The following SZT2 variants were observed in gnomAD, a reference collection of about 807,000 sequenced individuals.
The protein encoded by SZT2 is KICSTOR complex protein SZT2.
SZT2 carries 216 observed loss-of-function variants against 404.2 expected under a neutral mutation model. The observed-to-expected ratio is 0.53, with a 90% CI of 0.48 to 0.60. SZT2 has a LOEUF of 0.60. Ranked by LOEUF, SZT2 falls within the 20% of genes least tolerant of loss-of-function variation. The pLI, the probability that SZT2 is intolerant of heterozygous loss-of-function variation, is 0.00. For missense variants in SZT2, 3,857 were observed against 4,459.2 expected, an observed-to-expected ratio of 0.86 and a Z score of 3.85; for synonymous variants, 1,693 against 1,749.9, an observed-to-expected ratio of 0.97 and a Z score of 0.81.
Position 43,416,587 on chromosome 1 carries a change from T to A in SZT2, c.825T>A (p.Cys275Ter). ...CCAGTGTACCTGATGTTGCTGTCTG[T>A]GAGACACTGCTGAACCAGCTTCGCA... ...GVTSVPDVAV[C>*]ETLLNQLRSG... The change falls in exon 7 of 72, where the codon TGT (cysteine) becomes TGA (stop). Residue 275 changes from cysteine to a stop codon, truncating the protein, a stop_gained. Coordinates refer to ENST00000634258, the MANE Select transcript of SZT2 (RefSeq NM_001365999.1). LOFTEE classifies it high-confidence loss of function. 2 of 1,598,400 alleles carry A rather than the reference T, an allele frequency of 1.3e-6. No individual in the cohort carries two copies. Among genetic ancestry groups the A allele is most frequent in the Non-Finnish European group, 1.7e-6 (2 of 1,179,786 alleles).
chr1:43,429,939 G>A, intron 29 of SZT2, 72 bp from the exon 30 acceptor site: 1 of 1,612,300 alleles, frequency 6.2e-7, no homozygotes, highest in South Asian at 1.1e-5. Flanking sequence ...CATGTGTCCT[G>A]CTCTAGGGTA....
chr1:43,434,592 T>G, intron 41 of SZT2, 107 bp downstream of exon 41: 1 of 1,062,110 alleles, frequency 9.4e-7, no homozygotes, highest in Non-Finnish European at 1.4e-6. Flanking sequence ...TCAATAATTA[T>G]GGAAAGTTTT....
In SZT2 at chr1:43,422,497, T is replaced by C; in HGVS notation, c.1787T>C (p.Leu596Ser). Reference sequence around the variant, plus strand: ...CTTCCTAGACCAATCCCCAAGCACTTGCACACCCCGGGCAGCAATGGGCGC... The same window carrying C: ...CTTCCTAGACCAATCCCCAAGCACTCGCACACCCCGGGCAGCAATGGGCGC... ...LEHDTPIPKH[L>S]HTPGSNGRYS... The change falls in exon 13 of 72, where the codon TTG (leucine) becomes TCG (serine). Residue 596 changes from leucine to serine, a missense_variant. By Grantham distance (145) the Leu-to-Ser change is moderately radical. Transcript: ENST00000634258. 1 of 1,592,000 alleles carries C rather than the reference T, an allele frequency of 6.3e-7. No individual in the cohort carries two copies. Among genetic ancestry groups the C allele is most frequent in the Non-Finnish European group, 8.5e-7 (1 of 1,176,464 alleles).
Position 43,423,135 on chromosome 1 carries a change from C to T in SZT2, c.2074C>T (p.Arg692Cys), listed in dbSNP as rs1249245614. The T allele has an allele frequency of 8.8e-6, 14 of 1,595,986 alleles. No individual in the cohort carries two copies. Among genetic ancestry groups the T allele is most frequent in the Middle Eastern group, 1.6e-4 (1 of 6,072 alleles). The stretch of plus-strand genomic sequence containing the variant: ...CTTGAGGGAAGAGATCCTGCGGCTG[C>T]GTTTCCCCCACCGGGTACAAAGCAA... ...SGLREEILRL[R>C]FPHRVQSKEP... The change falls in exon 15 of 72, where the codon CGT becomes TGT. Residue 692 changes from arginine (R) to cysteine (C), a missense_variant. By Grantham distance (180) the Arg-to-Cys change is radical. This residue lies in a region of SZT2 where 1,725 missense variants were observed against 1,881.0 expected (regional missense o/e 0.92). Coordinates refer to ENST00000634258, the MANE Select transcript of SZT2 (RefSeq NM_001365999.1).
intron 1 of SZT2, among the ~76,000 whole-genome samples, chr1:43,399,233 A>T (rs1384625263): frequency 6.6e-6 from 1 of 152,208 alleles, no homozygotes; most frequent in African/African-American, 2.4e-5. Context: ...GATCCCTTGA[A>T]ATACAACTAA....
chr1:43,391,699 T>A (rs1331000964), intron 1 of SZT2, among the ~76,000 whole-genome samples: 2 of 152,122 alleles, frequency 1.3e-5, no homozygotes, highest in Non-Finnish European at 2.9e-5. Flanking sequence ...CAACATACCT[T>A]TTAGGCAGAT....
intron 4 of SZT2, among the ~76,000 whole-genome samples, chr1:43,413,244 G>T (rs942507576): frequency 6.6e-6 from 1 of 152,162 alleles, no homozygotes; most frequent in East Asian, 1.9e-4. Context: ...TTAGCTGAGC[G>T]TGATGGCAGA....
At chr1:43,438,645 A>C (rs2842184) in intron 46 of SZT2, 54 bp from the exon 47 acceptor site, 10 of 1,524,578 alleles carry the variant, frequency 6.6e-6, no homozygotes, top group Non-Finnish European at 9.1e-6. Flanking sequence ...GCTGCTATGG[A>C]GGTAGCTGGA....
rs78703292 is a variant in SZT2 at position 43,439,920 on chromosome 1, A to T, written c.7082A>T (p.Glu2361Val). The change falls in exon 51 of 72, where the codon GAA (glutamate) becomes GTA (valine). Residue 2361 changes from glutamate (E) to valine (V), a missense_variant. Glu to Val is a moderately radical substitution (Grantham distance 121). Coordinates refer to ENST00000634258, the MANE Select transcript of SZT2 (RefSeq NM_001365999.1). The surrounding 1 kb of genome is among the most constrained non-coding windows in gnomAD (Gnocchi z 4.2). The stretch of plus-strand genomic sequence containing the variant: ...CCACGGCTTCGATTGGATGTGTGGG[A>T]AAAGGGGAACATTAGTATTGTGCAG... ...GAPRLRLDVW[E>V]KGNISIVQLE... 6.2e-7 allele frequency: 1 copy of T among 1,610,908 alleles called. No homozygotes were observed. The highest frequency in any genetic ancestry group is 1.1e-5 in the South Asian group (1 of 90,606).
intron 5 of SZT2, 98 bp from the exon 6 acceptor site, chr1:43,415,858 CCTGT>C: frequency 7.3e-7 from 1 of 1,369,934 alleles, no homozygotes; most frequent in Non-Finnish European, 9.7e-7. Flanking sequence ...CAGGATTCGG[CCTGT>C]CTGGCCTGAG....
intron 63 of SZT2, 21 bp from the exon 64 acceptor site, chr1:43,446,158 C>A (rs1258575063): frequency 6.2e-7 from 1 of 1,614,004 alleles, no homozygotes; most frequent in South Asian, 1.1e-5. Context: ...CCAAACCTTG[C>A]CCCCTTTTTT....
In SZT2 at chr1:43,452,734, A is replaced by G; in HGVS notation, c.*2254A>G. The G allele has an allele frequency of 3.0e-6, 2 of 667,614 alleles. No individual in the cohort carries two copies. Among genetic ancestry groups the G allele is most frequent in the Non-Finnish European group, 5.3e-6 (2 of 379,834 alleles). 41.4% of individuals were successfully genotyped at this position (667,614 alleles called of 1,614,324 possible). A position where few individuals can be genotyped will look rare whatever the true frequency, so the allele number is the denominator to read the frequency against. ...TTTTCTGCCCCCACCATTGACCAGT[A>G]GTGATCCCCTCTTGCCAGTTCCTTC... On this transcript the variant is annotated 3_prime_UTR_variant, in exon 72 of 72. Transcript: ENST00000634258.
chr1:43,439,819 G>A lies in SZT2; in HGVS notation c.7042+50G>A, dbSNP rs1340772331. 2 of 1,562,624 alleles carry A rather than the reference G, an allele frequency of 1.3e-6. No homozygotes were observed. Among genetic ancestry groups the A allele is most frequent in the African/African-American group, 1.4e-5 (1 of 73,684 alleles). On this transcript the variant is annotated intron_variant, in intron 50 of 71. Coordinates refer to ENST00000634258, the MANE Select transcript of SZT2 (RefSeq NM_001365999.1). The surrounding 1 kb of genome is among the most constrained non-coding windows in gnomAD (Gnocchi z 4.2). ...AGGTGTTCAGTTATTGCTGTGGGAG[G>A]TAAGGGTGGTGAGTAGAGTGGGATC...
At position 43,426,390 on chromosome 1, in the gene SZT2, C is replaced by T. The variant is rs776738849; in HGVS notation, c.3066C>T (p.Ala1022=). 5.7e-6 allele frequency: 9 copies of T among 1,573,450 alleles called. No homozygotes were observed. Among genetic ancestry groups the T allele is most frequent in the South Asian group, 4.5e-5 (4 of 87,952 alleles). The change falls in exon 22 of 72, where the codon GCC becomes GCT. Residue 1022 remains alanine, a synonymous_variant. Transcript: ENST00000634258. This position sits in a 1 kb window ranked among gnomAD's most constrained non-coding sequence, Gnocchi z 4.9. ...LAREPEGVPF[A]EGSCPANDMV... is the part of the protein sequence containing the mutation. Reference sequence around the variant, plus strand: ...CAGAGCCAGAGGGTGTCCCTTTCGCCGAGGGGTCCTGTCCTGCCAACGACA... The same window carrying T: ...CAGAGCCAGAGGGTGTCCCTTTCGCTGAGGGGTCCTGTCCTGCCAACGACA...
In SZT2 at chr1:43,453,943, C is replaced by G. The variant is rs1229242564; in HGVS notation, c.*3463C>G. Reference sequence around the variant, plus strand: ...TTAGAAAAGCGAAGTGCTGTAAAAACCCGGGCCTTCACGAAAAGCGCCTAC... The same window carrying G: ...TTAGAAAAGCGAAGTGCTGTAAAAAGCCGGGCCTTCACGAAAAGCGCCTAC... On this transcript the variant is annotated 3_prime_UTR_variant, in exon 72 of 72. Coordinates refer to ENST00000634258, the MANE Select transcript of SZT2 (RefSeq NM_001365999.1). The G allele has an allele frequency of 5.8e-6, 7 of 1,201,276 alleles. No individual in the cohort carries two copies. The highest frequency in any genetic ancestry group is 7.2e-6 in the Non-Finnish European group (7 of 968,550). 74.4% of individuals were successfully genotyped at this position (1,201,276 alleles called of 1,614,324 possible). A position where few individuals can be genotyped will look rare whatever the true frequency, so the allele number is the denominator to read the frequency against.
Position 43,449,971 on chromosome 1 carries a change from T to C in SZT2, c.10087-132T>C. ...GAGGCTCAATTTGGAGACACGGTCC[T>C]ATGTGACCTCAGGGTGCAGGCGGGG... On this transcript the variant is annotated intron_variant, in intron 70 of 71. Coordinates refer to ENST00000634258, the MANE Select transcript of SZT2 (RefSeq NM_001365999.1). 3 of 1,050,556 alleles carry C rather than the reference T, an allele frequency of 2.9e-6. No homozygotes were observed. The South Asian group carries it at 4.0e-5, about 14-fold the overall frequency. The allele number at this position is 1,050,556 out of a possible 1,614,324, so 65.1% of individuals were successfully genotyped here.
intron 51 of SZT2, 91 bp downstream of exon 51, chr1:43,440,139 G>T (rs371811007): frequency 6.5e-7 from 1 of 1,539,252 alleles, no homozygotes; most frequent in South Asian, 1.2e-5. Context: ...GTGGGGTTTA[G>T]GGGAAGCATG....
intron 1 of SZT2, among the ~76,000 whole-genome samples, chr1:43,391,977 G>T (rs1280881957): frequency 3.0e-5 from 2 of 66,104 alleles, no homozygotes; most frequent in East Asian, 3.2e-4. Context: ...CCAGCTACTC[G>T]GGAGGCTGAG....
In SZT2 at chr1:43,426,980, G is replaced by C. The variant is rs369610882; in HGVS notation, c.3310-76G>C. 176 of 1,595,648 alleles carry C rather than the reference G, an allele frequency of 1.1e-4. 2 individuals carry two copies. In the East Asian group the frequency reaches 2.0e-3, roughly 18 times the overall value. On this transcript the variant is annotated intron_variant, in intron 23 of 71. Coordinates refer to ENST00000634258, the MANE Select transcript of SZT2 (RefSeq NM_001365999.1). This position sits in a 1 kb window ranked among gnomAD's most constrained non-coding sequence, Gnocchi z 4.9. ...TTCAAGCTATACCTAAGATGAGTCA[G>C]CTCTAGGGTGGAGGAGGGGAACAGG...
Sources: allele counts gnomAD v4.1 joint callset (sites outside exome capture counted in the v4.1 genomes callset), GRCh38; gene constraint gnomAD v4.1.1; regional missense constraint gnomAD v4.1.1; non-coding constraint Gnocchi (gnomAD v3.1); transcripts MANE v1.5; gene names NCBI Gene and HGNC (gene_info 2026-07-23, HGNC 2026-07-21).